Variants in TTLL11 observed in about 807,000 individuals in gnomAD.
The protein encoded by TTLL11 is tubulin polyglutamylase TTLL11.
A neutral mutation model predicts 51.7 loss-of-function variants in TTLL11; 42 were observed. The observed-to-expected ratio is 0.81, with a 90% CI of 0.64 to 1.05. The LOEUF is 1.05. TTLL11 is among the 50% of genes least tolerant of loss of function. The probability of loss-of-function intolerance (pLI) is 0.00; values close to 1 mark genes in which losing one functional copy is unlikely to be tolerated. For synonymous variants in TTLL11, 381 were observed against 383.5 expected, an observed-to-expected ratio of 0.99 and a Z score of 0.08; for missense variants, 799 against 940.4, an observed-to-expected ratio of 0.85 and a Z score of 1.97.
At chr9:121,999,806 C>T (rs1349981098) in intron 3 of TTLL11, among the ~76,000 whole-genome samples, 1 of 152,214 alleles carries the variant, frequency 6.6e-6, no homozygotes, top group African/African-American at 2.4e-5. Flanking sequence ...CACCAGCCCC[C>T]ATCACAGGCA....
chr9:121,923,180 G>C (rs1308182564), intron 6 of TTLL11, among the ~76,000 whole-genome samples: 12 of 152,150 alleles, frequency 7.9e-5, no homozygotes. Context: ...ACAAAATTGA[G>C]TACCACATAA....
chr9:121,894,178 C>T (rs1312365869), intron 6 of TTLL11, among the ~76,000 whole-genome samples: 1 of 152,196 alleles, frequency 6.6e-6, no homozygotes, highest in Non-Finnish European at 1.5e-5. Flanking sequence ...TGCAAGGAGC[C>T]TACAGCCTGG....
At chr9:121,855,622 G>A (rs943133587) in intron 8 of TTLL11, among the ~76,000 whole-genome samples, 1 of 152,132 alleles carries the variant, frequency 6.6e-6, no homozygotes, top group Non-Finnish European at 1.5e-5. Context: ...TATGGGTGAT[G>A]ATCCAGTCCA....
chr9:121,986,282 G>C (rs189932699), intron 4 of TTLL11, among the ~76,000 whole-genome samples: 18 of 152,290 alleles, frequency 1.2e-4, no homozygotes, highest in Middle Eastern at 3.4e-3. Context: ...AAAACAACCA[G>C]CCTGGCCCTC....
rs1031042889 is a variant in TTLL11 at position 121,820,932 on chromosome 9, T to C, written c.*1655A>G. ...AAGGGCAGCGGCCTTTGGGCTCTGC[T>C]AGCAGCAGGGAAGGGGTGCTGCGCG... On this transcript the variant is annotated 3_prime_UTR_variant, in exon 9 of 9. Transcript: ENST00000321582. 3.1e-5 allele frequency among the ~76,000 whole-genome samples: 4 copies of C among 128,416 alleles called. No homozygotes were observed. Among genetic ancestry groups the C allele is most frequent in the Non-Finnish European group, 6.7e-5 (4 of 59,728 alleles). 84.2% of individuals were successfully genotyped at this position (128,416 alleles called of 152,430 possible). A position where few individuals can be genotyped will look rare whatever the true frequency, so the allele number is the denominator to read the frequency against.
intron 6 of TTLL11, among the ~76,000 whole-genome samples, chr9:121,878,671 G>A (rs955934902): frequency 3.3e-5 from 5 of 152,266 alleles, no homozygotes; most frequent in South Asian, 2.1e-4. Flanking sequence ...GGGTCACTGC[G>A]CCCAGCCCTC....
chr9:121,870,867 G>A, intron 6 of TTLL11, 119 bp from the exon 7 acceptor site: 1 of 1,185,976 alleles, frequency 8.4e-7, no homozygotes, highest in Non-Finnish European at 1.1e-6. Context: ...CAGACAGCAA[G>A]ACTGACCACA....
At chr9:121,832,583 G>A (rs1837051981) in intron 8 of TTLL11, among the ~76,000 whole-genome samples, 1 of 152,122 alleles carries the variant, frequency 6.6e-6, no homozygotes, top group Non-Finnish European at 1.5e-5. Context: ...TCGCATGGCT[G>A]GTAGGTGGCA....
At chr9:121,917,316 A>G (rs1840360927) in intron 6 of TTLL11, among the ~76,000 whole-genome samples, 2 of 151,400 alleles carry the variant, frequency 1.3e-5, no homozygotes, top group South Asian at 2.1e-4. Flanking sequence ...AAAAAAAAAA[A>G]TGAAAAAAAT....
At chr9:121,844,024 G>T (rs911598366) in intron 8 of TTLL11, among the ~76,000 whole-genome samples, 2 of 152,142 alleles carry the variant, frequency 1.3e-5, no homozygotes, top group Admixed American at 1.3e-4. Context: ...GGGCAATTAG[G>T]TAACTCTAGC....
intron 8 of TTLL11, among the ~76,000 whole-genome samples, chr9:121,851,231 C>T (rs1837656910): frequency 6.6e-6 from 1 of 152,156 alleles, no homozygotes; most frequent in African/African-American, 2.4e-5. Flanking sequence ...TGAAACTATT[C>T]TGTATTACAC....
At chr9:122,076,159 A>T (rs962057824) in intron 1 of TTLL11, among the ~76,000 whole-genome samples, 11 of 152,166 alleles carry the variant, frequency 7.2e-5, no homozygotes, top group African/African-American at 2.7e-4. Flanking sequence ...TGTCTGTCCC[A>T]GGGCCAACAC....
chr9:122,012,355 T>A (rs578204434), intron 3 of TTLL11, among the ~76,000 whole-genome samples: 1 of 152,232 alleles, frequency 6.6e-6, no homozygotes, highest in Admixed American at 6.5e-5. Flanking sequence ...AGCAAGGTTT[T>A]CTTGACCTTT....
At chr9:122,056,666 A>G (rs1277432131) in intron 1 of TTLL11, among the ~76,000 whole-genome samples, 1 of 152,144 alleles carries the variant, frequency 6.6e-6, no homozygotes. Flanking sequence ...GAGAAGAGTC[A>G]GGGGAGGGAC....
intron 7 of TTLL11, 92 bp from the exon 8 acceptor site, chr9:121,860,535 C>T: frequency 9.8e-7 from 1 of 1,017,812 alleles, no homozygotes; most frequent in Non-Finnish European, 1.5e-6. Flanking sequence ...AATGTTTGTC[C>T]TCCCCAAATC....
chr9:122,038,893 A>C (rs1844770044), intron 2 of TTLL11, among the ~76,000 whole-genome samples: 1 of 152,184 alleles, frequency 6.6e-6, no homozygotes, highest in African/African-American at 2.4e-5. Flanking sequence ...ATAATACTTA[A>C]AGAAAAGGGA....
At chr9:121,932,357 G>A (rs1159778346) in intron 6 of TTLL11, among the ~76,000 whole-genome samples, 1 of 152,204 alleles carries the variant, frequency 6.6e-6, no homozygotes, top group Non-Finnish European at 1.5e-5. Flanking sequence ...GACACAGGCT[G>A]TGTTTTCTCC....
At chr9:121,889,736 C>T (rs1219397728) in intron 6 of TTLL11, among the ~76,000 whole-genome samples, 1 of 152,176 alleles carries the variant, frequency 6.6e-6, no homozygotes, top group African/African-American at 2.4e-5. Context: ...CCCGTCTCTA[C>T]TAAAAATACA....
chr9:122,087,983 G>A (rs1269892286), intron 1 of TTLL11, among the ~76,000 whole-genome samples: 2 of 152,150 alleles, frequency 1.3e-5, no homozygotes, highest in African/African-American at 2.4e-5. Context: ...CATTGTGGAC[G>A]CAGTTAAATT....
Sources: gnomAD v4.1 joint callset for allele counts (sites outside exome capture counted in the v4.1 genomes callset) on GRCh38, gnomAD v4.1.1 for gene constraint, MANE v1.5 for transcripts, NCBI Gene and HGNC (gene_info 2026-07-23, HGNC 2026-07-21) for gene names.